The following TUSC3 variants were observed in gnomAD, a reference collection of about 807,000 sequenced individuals.
TUSC3 encodes tumor suppressor candidate 3, also known as dolichyl-diphosphooligosaccharide--protein glycosyltransferase subunit TUSC3.
A neutral mutation model predicts 44.8 loss-of-function variants in TUSC3; 45 were observed. That is an observed-to-expected ratio of 1.00 (90% confidence interval 0.79 to 1.29). The LOEUF (loss-of-function observed/expected upper bound fraction) is 1.29, where lower values mean the gene tolerates loss of function less well. Among genes scored for constraint, TUSC3 ranks in the 50% most tolerant of loss-of-function variants. The pLI, the probability that TUSC3 is intolerant of heterozygous loss-of-function variation, is 0.00. For synonymous variants in TUSC3, 212 were observed against 152.9 expected (o/e 1.39, Z -2.85); for missense variants, 519 against 437.9 (o/e 1.19, Z -1.65).
intron 2 of TUSC3, among the ~76,000 whole-genome samples, chr8:15,506,488 T>C (rs1038463446): frequency 6.6e-6 from 1 of 152,200 alleles, no homozygotes; most frequent in African/African-American, 2.4e-5. Flanking sequence ...CATGCTGTTA[T>C]GAAGAAATAC....
chr8:15,562,285 G>T (rs1285608367), intron 1 of TUSC3, among the ~76,000 whole-genome samples: 2 of 152,170 alleles, frequency 1.3e-5, no homozygotes, highest in East Asian at 3.9e-4. Context: ...AAGATATCCT[G>T]TTCTAAAAAA....
chr8:15,602,164 A>C (rs1395226917), intron 1 of TUSC3, among the ~76,000 whole-genome samples: 1 of 151,558 alleles, frequency 6.6e-6, no homozygotes, highest in South Asian at 2.1e-4. Flanking sequence ...CCAAAGTCTG[A>C]AAAAAGTCTG....
the TUSC3 span, among the ~76,000 whole-genome samples, chr8:15,827,302 C>T: frequency 6.6e-6 from 1 of 152,098 alleles, no homozygotes; most frequent in African/African-American, 2.4e-5. Flanking sequence ...GGAGCAGTAA[C>T]GGCTGAAGAC....
chr8:15,645,743 G>C (rs1806596584), intron 2 of TUSC3, among the ~76,000 whole-genome samples: 1 of 152,024 alleles, frequency 6.6e-6, no homozygotes, highest in African/African-American at 2.4e-5. Context: ...TTTGAGTCAT[G>C]AACACTATTC....
the TUSC3 span, among the ~76,000 whole-genome samples, chr8:15,804,601 T>C: frequency 6.6e-6 from 1 of 152,214 alleles, no homozygotes; most frequent in East Asian, 1.9e-4. Context: ...CAGCTTATTT[T>C]TGCTGATTCT....
At chr8:15,775,317 G>A in the TUSC3 span, among the ~76,000 whole-genome samples, 1 of 152,060 alleles carries the variant, frequency 6.6e-6, no homozygotes, top group African/African-American at 2.4e-5. Context: ...GTAGGATGGG[G>A]AGTGACTATT....
At chr8:15,572,008 G>T (rs1802897207) in intron 1 of TUSC3, among the ~76,000 whole-genome samples, 1 of 152,066 alleles carries the variant, frequency 6.6e-6, no homozygotes, top group East Asian at 1.9e-4. Context: ...AATTGCGCTG[G>T]ACCTTAGGCT....
intron 2 of TUSC3, among the ~76,000 whole-genome samples, chr8:15,634,652 T>A (rs1805981832): frequency 6.6e-6 from 1 of 152,172 alleles, no homozygotes; most frequent in Non-Finnish European, 1.5e-5. Context: ...TGTGAGGAAG[T>A]CTTCAAAGGT....
At chr8:15,581,653 C>A (rs868527908) in intron 1 of TUSC3, among the ~76,000 whole-genome samples, 1,728 of 149,434 alleles carry the variant, frequency 0.012, 37 homozygotes, top group African/African-American at 0.04. Flanking sequence ...CAGGGACCCA[C>A]TTGAGGAGGC....
intron 1 of TUSC3, among the ~76,000 whole-genome samples, chr8:15,617,315 T>A (rs1400347469): frequency 2.0e-5 from 3 of 151,782 alleles, no homozygotes; most frequent in Non-Finnish European, 4.4e-5. Context: ...TATTTTTGTA[T>A]TTTTAGTAGA....
chr8:15,431,599 T>C lies in TUSC3; in HGVS notation n.91+14294T>C, dbSNP rs572954553. Among the ~76,000 whole-genome samples the C allele has an allele frequency of 9.3e-4, 139 of 149,028 alleles. 4 individuals carry two copies. Among genetic ancestry groups the C allele is most frequent in the African/African-American group, 3.3e-3 (129 of 38,660 alleles). ...CAAACTCTTTAGAGGTTTCTATATA[T>C]AGGATTATGTCTTGTACAAACAGAA... On this transcript the variant is annotated intron_variant and non_coding_transcript_variant, in intron 1 of 5. Coordinates refer to the TUSC3 transcript ENST00000503191.
chr8:15,802,909 G>T, the TUSC3 span, among the ~76,000 whole-genome samples: 1 of 151,914 alleles, frequency 6.6e-6, no homozygotes, highest in Non-Finnish European at 1.5e-5. Flanking sequence ...AAAAAATCAA[G>T]AGGCATATAC....
At chr8:15,672,252 G>C (rs767829793) in intron 5 of TUSC3, among the ~76,000 whole-genome samples, 1 of 151,982 alleles carries the variant, frequency 6.6e-6, no homozygotes, top group Non-Finnish European at 1.5e-5. Context: ...CTTGTGTATT[G>C]TGTGCAATTT....
intron 2 of TUSC3, among the ~76,000 whole-genome samples, chr8:15,638,535 T>G: frequency 7.1e-6 from 1 of 141,348 alleles, no homozygotes; most frequent in Non-Finnish European, 1.5e-5. Flanking sequence ...TTTTTTTTTT[T>G]TTTTGGAGAC....
At chr8:15,743,178 G>C (rs1226929026) in intron 7 of TUSC3, among the ~76,000 whole-genome samples, 5 of 152,184 alleles carry the variant, frequency 3.3e-5, no homozygotes, top group African/African-American at 1.2e-4. Context: ...AAAATGAAAT[G>C]TGTCAATGAC....
intron 9 of TUSC3, among the ~76,000 whole-genome samples, chr8:15,755,759 TATGTTCAGAA>T (rs1203519130): frequency 1.3e-5 from 2 of 152,148 alleles, no homozygotes; most frequent in African/African-American, 4.8e-5. Context: ...TAGAAGGTGT[TATGTTCAGAA>T]AGGAAGAAAT....
intron 6 of TUSC3, among the ~76,000 whole-genome samples, chr8:15,723,594 C>T (rs1189988082): frequency 1.3e-5 from 2 of 152,060 alleles, no homozygotes; most frequent in African/African-American, 4.8e-5. Context: ...TCACATCTGC[C>T]ATTTGGTGTA....
At chr8:15,499,219 C>G (rs1035607625) in intron 2 of TUSC3, among the ~76,000 whole-genome samples, 2 of 152,138 alleles carry the variant, frequency 1.3e-5, no homozygotes, top group African/African-American at 4.8e-5. Context: ...ATCCTTCTGC[C>G]TCTCTCTTAC....
Position 15,764,249 on chromosome 8 carries a change from T to G in TUSC3, c.*93T>G. ...AGTGGGATTTGCATAAAGTGAATGT[T>G]TACCATGAAGATAAACTGTTCCTGA... is the stretch of plus-strand genomic sequence containing the variant. On this transcript the variant is annotated 3_prime_UTR_variant, in exon 11 of 11. Coordinates refer to ENST00000503731, the MANE Select transcript of TUSC3 (RefSeq NM_006765.4). 6.2e-7 allele frequency: 1 copy of G among 1,602,904 alleles called. No homozygotes were observed. The highest frequency in any genetic ancestry group is 1.1e-5 in the South Asian group (1 of 90,706).
Sources: gnomAD v4.1 joint callset for allele counts (sites outside exome capture counted in the v4.1 genomes callset) on GRCh38, gnomAD v4.1.1 for gene constraint, MANE v1.5 for transcripts, NCBI Gene and HGNC (gene_info 2026-07-23, HGNC 2026-07-21) for gene names.